CLECL1: variants seen among roughly 807,000 people sequenced by gnomAD.
The protein encoded by CLECL1 is C-type lectin like 1, also known as C-type lectin-like domain family 1.
chr12:9,732,805 A>G (rs1399528869), intron 1 of CLECL1, 144 bp downstream of exon 1: 2 of 612,890 alleles, frequency 3.3e-6, no homozygotes, highest in Admixed American at 7.1e-5. Flanking sequence ...CATTAAAAAC[A>G]TTCGCTCTTA....
chr12:9,728,764 T>C (rs1478019898), intron 2 of CLECL1, among the ~76,000 whole-genome samples: 1 of 151,986 alleles, frequency 6.6e-6, no homozygotes, highest in Non-Finnish European at 1.5e-5. Flanking sequence ...CTAGTTACAT[T>C]AAAGTAGTTA....
intron 2 of CLECL1, among the ~76,000 whole-genome samples, chr12:9,717,388 G>T (rs1721662301): frequency 6.6e-6 from 1 of 152,168 alleles, no homozygotes; most frequent in African/African-American, 2.4e-5. Flanking sequence ...TTTTCCCCCA[G>T]TGCTAACGTT....
downstream of CLECL1, among the ~76,000 whole-genome samples, chr12:9,713,250 T>C (rs1866212140): frequency 6.6e-6 from 1 of 152,204 alleles, no homozygotes; most frequent in Non-Finnish European, 1.5e-5. Context: ...AGTTATGAGT[T>C]GATTTTTAAC....
At chr12:9,732,969 G>T (rs1023499997) in exon 1 of CLECL1, 2 of 1,605,444 alleles carry the variant, frequency 1.2e-6, no homozygotes, top group African/African-American at 1.3e-5. Flanking sequence ...AAGTGGAAAC[G>T]CGAGTTCTAA....
exon 2 of CLECL1, among the ~76,000 whole-genome samples, chr12:9,729,626 A>T (rs973837141): frequency 2.6e-5 from 4 of 152,146 alleles, no homozygotes; most frequent in Non-Finnish European, 4.4e-5. Context: ...TACCAGAAGG[A>T]TAATATTATT....
chr12:9,715,087 C>A (rs1433570003), downstream of CLECL1, among the ~76,000 whole-genome samples: 1 of 152,166 alleles, frequency 6.6e-6, no homozygotes, highest in Admixed American at 6.5e-5. Flanking sequence ...GCAGGAGGGG[C>A]TGACTTTTCC....
At chr12:9,733,064 T>C, upstream of CLECL1, 1 of 1,614,054 alleles carries the variant, frequency 6.2e-7, no homozygotes, top group Non-Finnish European at 8.5e-7. Context: ...AGACCACAAA[T>C]GATGTCCCAC....
chr12:9,731,306 G>T (rs192588129), intron 1 of CLECL1, among the ~76,000 whole-genome samples: 1 of 152,122 alleles, frequency 6.6e-6, no homozygotes, highest in Non-Finnish European at 1.5e-5. Context: ...TACTTATCAA[G>T]CATCTATTAA....
chr12:9,730,945 C>A (rs1158504805), intron 1 of CLECL1, among the ~76,000 whole-genome samples: 1 of 152,158 alleles, frequency 6.6e-6, no homozygotes, highest in Non-Finnish European at 1.5e-5. Context: ...CTCGGCATCC[C>A]AAAGTGTTGG....
chr12:9,713,373 T>C (rs778893297), downstream of CLECL1, among the ~76,000 whole-genome samples: 23 of 152,368 alleles, frequency 1.5e-4, no homozygotes, highest in African/African-American at 5.5e-4. Context: ...CTTCCTATAG[T>C]TCTTTTTAGT....
At chr12:9,717,137 G>A (rs937633314) in intron 2 of CLECL1, among the ~76,000 whole-genome samples, 1 of 152,224 alleles carries the variant, frequency 6.6e-6, no homozygotes, top group African/African-American at 2.4e-5. Context: ...AAGACTGGGT[G>A]CGGTGGCTCA....
the CLECL1 span, among the ~76,000 whole-genome samples, chr12:9,704,551 T>G: frequency 6.6e-6 from 1 of 152,158 alleles, no homozygotes; most frequent in African/African-American, 2.4e-5. Flanking sequence ...TTAAATTCTC[T>G]CCCTCCTTTC....
the CLECL1 span, among the ~76,000 whole-genome samples, chr12:9,702,212 T>C: frequency 6.6e-6 from 1 of 152,138 alleles, no homozygotes; most frequent in African/African-American, 2.4e-5. Context: ...AGGATTTTAT[T>C]GAGGGATGGA....
chr12:9,721,410 G>C (rs1241493518), downstream of CLECL1, among the ~76,000 whole-genome samples: 2 of 152,110 alleles, frequency 1.3e-5, no homozygotes, highest in East Asian at 1.9e-4. Flanking sequence ...TTAGAGTCTT[G>C]TTTATTCTTG....
intron 2 of CLECL1, among the ~76,000 whole-genome samples, chr12:9,728,696 T>C (rs1029077351): frequency 1.3e-5 from 2 of 151,946 alleles, no homozygotes; most frequent in African/African-American, 4.8e-5. Context: ...TAGGGATTTT[T>C]AATGCTAATT....
the CLECL1 span, among the ~76,000 whole-genome samples, chr12:9,707,952 C>T: frequency 6.6e-5 from 10 of 152,284 alleles, no homozygotes; most frequent in East Asian, 1.2e-3. Context: ...CTGGAGGTGC[C>T]ATGTATGCCT....
chr12:9,732,900 G>C, intron 1 of CLECL1, 49 bp downstream of exon 1: 2 of 1,425,290 alleles, frequency 1.4e-6, no homozygotes, highest in Non-Finnish European at 1.9e-6. Context: ...AAATAAAGGA[G>C]ATAACTAGTA....
At chr12:9,708,772 G>GGGACTTTGGAAA in the CLECL1 span, 1 of 166,068 alleles carries the variant, frequency 6.0e-6, no homozygotes, top group African/African-American at 2.4e-5. Context: ...AGGGACAAAA[G>GGGACTTTGGAAA]GTGGAAAGTG....
chr12:9,733,285 A>G, upstream of CLECL1: 1 of 1,540,226 alleles, frequency 6.5e-7, no homozygotes, highest in Non-Finnish European at 8.9e-7. Context: ...CTCGTTTTTC[A>G]GTTAGTTTTC....
Sources: gnomAD v4.1 joint callset for allele counts (sites outside exome capture counted in the v4.1 genomes callset) on GRCh38, gnomAD v4.1.1 for gene constraint, MANE v1.5 for transcripts, NCBI Gene and HGNC (gene_info 2026-07-23, HGNC 2026-07-21) for gene names.